Variants in MAST2 observed in about 807,000 individuals in gnomAD.
MAST2 encodes microtubule associated serine/threonine kinase 2, also known as microtubule-associated serine/threonine-protein kinase 2.
In MAST2, 70 loss-of-function variants were observed where a neutral mutation model predicts 147.4. The observed-to-expected ratio is 0.47, with a 90% CI of 0.39 to 0.58. MAST2 has a LOEUF of 0.58. Ranked by LOEUF, MAST2 falls within the 20% of genes least tolerant of loss-of-function variation. The pLI is 0.00. For synonymous variants in MAST2, 869 were observed against 896.8 expected (o/e 0.97, Z 0.55); for missense variants, 2,080 against 2,302.3 (o/e 0.90, Z 1.98).
intron 4 of MAST2, among the ~76,000 whole-genome samples, chr1:45,930,936 C>G (rs1043985249): frequency 1.3e-5 from 2 of 152,174 alleles, no homozygotes; most frequent in African/African-American, 4.8e-5. Flanking sequence ...GTTTGACAGC[C>G]CTTGTCCTAA....
At chr1:46,004,361 CAAA>C (rs60013733) in intron 7 of MAST2, among the ~76,000 whole-genome samples, 38,170 of 113,262 alleles carry the variant, frequency 0.34, 5,538 homozygotes, top group African/African-American at 0.4. Flanking sequence ...AAGACTATCT[CAAA>C]AAAAAAAAAA....
rs201789551 is a variant in MAST2 at position 45,959,488 on chromosome 1, G to A, written c.592+11G>A. The stretch of plus-strand genomic sequence containing the variant: ...TCCATGGCCACACAGGTGAGTGCTT[G>A]AAGGTTAAGAAAGGTTGAATGAAAG... On this transcript the variant is annotated intron_variant, in intron 5 of 28. Coordinates refer to ENST00000361297, the MANE Select transcript of MAST2 (RefSeq NM_015112.3). 1.2e-5 allele frequency: 20 copies of A among 1,610,418 alleles called. No individual in the cohort carries two copies. In the East Asian group the frequency reaches 4.5e-4, roughly 36 times the overall value.
In MAST2 at chr1:46,034,781, C is replaced by T; in HGVS notation, c.4112C>T (p.Ala1371Val). ...CCATCGCCCCTGTCTGGCCATGTAGCCCAGGCCTTTCCCACAAAGCTTCAC... is the reference window on the plus strand; with the variant it reads ...CCATCGCCCCTGTCTGGCCATGTAGTCCAGGCCTTTCCCACAAAGCTTCAC... ...RSPSPLSGHV[A>V]QAFPTKLHLS... is the part of the protein sequence containing the mutation. The change falls in exon 29 of 29, where the codon GCC (alanine) becomes GTC (valine). Residue 1371 changes from alanine (A) to valine (V), a missense_variant. Physicochemically the swap from Ala to Val is moderately conservative, Grantham distance 64. Transcript: ENST00000361297. 6.2e-7 allele frequency: 1 copy of T among 1,613,964 alleles called. No homozygotes were observed. The highest frequency in any genetic ancestry group is 8.5e-7 in the Non-Finnish European group (1 of 1,180,022).
intron 3 of MAST2, among the ~76,000 whole-genome samples, chr1:45,881,150 A>T (rs1239348730): frequency 6.6e-6 from 1 of 152,200 alleles, no homozygotes; most frequent in East Asian, 1.9e-4. Context: ...AACTTTTTCT[A>T]CATGCGCACT....
intron 4 of MAST2, chr1:45,917,423 C>T (rs1652724672): frequency 2.9e-6 from 4 of 1,366,448 alleles, no homozygotes; most frequent in African/African-American, 2.9e-5. Flanking sequence ...TCACTAAAGT[C>T]CCATTTAGTG....
intron 4 of MAST2, among the ~76,000 whole-genome samples, chr1:45,943,737 ACT>A (rs1191982424): frequency 6.6e-6 from 1 of 151,902 alleles, no homozygotes; most frequent in African/African-American, 2.4e-5. Flanking sequence ...CAAGAGCAAA[ACT>A]CTGTCTCAAA....
At chr1:46,018,056 C>T (rs1444885760) in intron 10 of MAST2, among the ~76,000 whole-genome samples, 1 of 152,206 alleles carries the variant, frequency 6.6e-6, no homozygotes, top group African/African-American at 2.4e-5. Context: ...TTCCCATCTT[C>T]TGCCACCTCT....
At chr1:45,835,658 A>G (rs1645081548) in intron 3 of MAST2, among the ~76,000 whole-genome samples, 1 of 152,154 alleles carries the variant, frequency 6.6e-6, no homozygotes, top group African/African-American at 2.4e-5. Context: ...GTGGCATTTC[A>G]TGCATTCACA....
rs1448110780 is a variant in MAST2 at position 46,034,892 on chromosome 1, C to A, written c.4223C>A (p.Ala1408Asp). The A allele has an allele frequency of 6.2e-7, 1 of 1,614,230 alleles. No individual in the cohort carries two copies. ...CCACTACTCAAGAGGGTGCAGTCGG[C>A]TGAGAAACTGGCAGCAGCACTTGCC... ...RSPLLKRVQS[A>D]EKLAAALAAS... The change falls in exon 29 of 29, where the codon GCT becomes GAT. Residue 1408 changes from alanine (A) to aspartate (D), a missense_variant. This residue lies in a region of MAST2 where 1,278 missense variants were observed against 1,304.2 expected (regional missense o/e 0.98). Coordinates refer to ENST00000361297, the MANE Select transcript of MAST2 (RefSeq NM_015112.3).
At chr1:45,863,392 C>T (rs1431407757) in intron 3 of MAST2, among the ~76,000 whole-genome samples, 1 of 152,108 alleles carries the variant, frequency 6.6e-6, no homozygotes, top group African/African-American at 2.4e-5. Flanking sequence ...AGACATAATC[C>T]AGCCGTTAGT....
At position 46,022,089 on chromosome 1, in the gene MAST2, A is replaced by G. The variant is rs188923994; in HGVS notation, c.1423+7A>G. On this transcript the variant is annotated splice_region_variant and intron_variant, in intron 12 of 28. Coordinates refer to ENST00000361297, the MANE Select transcript of MAST2 (RefSeq NM_015112.3). ...ACCCGGGATCCCCTAGAAGGTGAGCATGCTGCCTAGTGGCTGCAAAGAGGC... is the reference window on the plus strand; with the variant it reads ...ACCCGGGATCCCCTAGAAGGTGAGCGTGCTGCCTAGTGGCTGCAAAGAGGC... 1.0e-4 allele frequency: 161 copies of G among 1,613,960 alleles called. 2 individuals are homozygous for G. In the African/African-American group the frequency reaches 2.0e-3, roughly 20 times the overall value.
chr1:46,024,831 C>G (rs919643933), intron 15 of MAST2, among the ~76,000 whole-genome samples: 2 of 152,330 alleles, frequency 1.3e-5, no homozygotes. Flanking sequence ...TTCCACCCCC[C>G]TCCATACCCT....
At position 46,029,449 on chromosome 1, in the gene MAST2, AC is replaced by A. The variant is rs1202596281; in HGVS notation, c.2219-13del. On this transcript the variant is annotated splice_polypyrimidine_tract_variant and intron_variant, in intron 18 of 28. Transcript: ENST00000361297. ...ACCCACAATTTCTCCTTTCCCTCTC[AC>A]CCCTGATGACTTCAGATGAGATTGT... 1 of 1,597,588 alleles carries A rather than the reference AC, an allele frequency of 6.3e-7. No homozygotes were observed. The highest frequency in any genetic ancestry group is 8.6e-7 in the Non-Finnish European group (1 of 1,168,168).
intron 1 of MAST2, among the ~76,000 whole-genome samples, chr1:45,812,652 C>T (rs1422464859): frequency 2.6e-5 from 4 of 152,108 alleles, no homozygotes; most frequent in Non-Finnish European, 5.9e-5. Context: ...CTCAAACTCT[C>T]GACCTCAGGT....
chr1:46,026,223 GTATA>G (rs943193038), intron 16 of MAST2, among the ~76,000 whole-genome samples: 1 of 152,202 alleles, frequency 6.6e-6, no homozygotes, highest in Non-Finnish European at 1.5e-5. Flanking sequence ...AGAAATATAT[GTATA>G]TAGGCTTCTT....
At chr1:45,992,470 A>G (rs982301050) in intron 5 of MAST2, among the ~76,000 whole-genome samples, 4 of 152,232 alleles carry the variant, frequency 2.6e-5, no homozygotes, top group African/African-American at 9.6e-5. Flanking sequence ...ATCTGTTTTC[A>G]TAAGAGGTAT....
chr1:45,905,533 C>T (rs959868313), intron 4 of MAST2, among the ~76,000 whole-genome samples: 1 of 152,130 alleles, frequency 6.6e-6, no homozygotes, highest in Non-Finnish European at 1.5e-5. Flanking sequence ...AATCTCAGCA[C>T]TTTTGGAGGC....
intron 10 of MAST2, among the ~76,000 whole-genome samples, chr1:46,012,005 GA>G (rs1645733669): frequency 6.6e-6 from 1 of 152,160 alleles, no homozygotes; most frequent in Non-Finnish European, 1.5e-5. Flanking sequence ...TTTAATAGGT[GA>G]AAAAGTAGTT....
chr1:46,021,972 A>G lies in MAST2; in HGVS notation c.1313A>G (p.Tyr438Cys). Reference protein sequence around the residue: ...ECLEFDPEEFYHLLEAAEGHA... With the variant: ...ECLEFDPEEFCHLLEAAEGHA... ...CAGGAGTTTGACCCTGAAGAGTTCT[A>G]CCACCTTTTAGAAGCAGCTGAGGGC... is the stretch of plus-strand genomic sequence containing the variant. Residue 438 changes from tyrosine to cysteine, a missense_variant, in exon 12 of 29, where the codon TAC (tyrosine) becomes TGC (cysteine). This residue lies in a region of MAST2 where 569 missense variants were observed against 642.5 expected (regional missense o/e 0.89). Transcript: ENST00000361297. 3.7e-6 allele frequency: 6 copies of G among 1,614,186 alleles called. No individual in the cohort carries two copies. The highest frequency in any genetic ancestry group is 5.1e-6 in the Non-Finnish European group (6 of 1,180,030).
Sources: allele counts gnomAD v4.1 joint callset (sites outside exome capture counted in the v4.1 genomes callset), GRCh38; gene constraint gnomAD v4.1.1; regional missense constraint gnomAD v4.1.1; transcripts MANE v1.5; gene names NCBI Gene and HGNC (gene_info 2026-07-23, HGNC 2026-07-21).